The following SF3B1 variants were observed in gnomAD, a reference collection of about 807,000 sequenced individuals.
The protein encoded by SF3B1 is pre-mRNA processing 10.
A neutral mutation model predicts 153.8 loss-of-function variants in SF3B1; 12 were observed. That is an observed-to-expected ratio of 0.08 (90% CI 0.05 to 0.13). SF3B1 has a LOEUF of 0.13. SF3B1 is among the 10% of genes least tolerant of loss of function. The pLI is 1.00. For missense variants in SF3B1, 513 were observed against 1,606.1 expected, an observed-to-expected ratio of 0.32 and a Z score of 11.63; for synonymous variants, 498 against 525.2, an observed-to-expected ratio of 0.95 and a Z score of 0.71.
rs567389947 is a variant in SF3B1, at chr2:197,428,073, G to A, written c.29-4099C>T. Among the ~76,000 whole-genome samples, 331 of 151,990 alleles carry A rather than the reference G, an allele frequency of 2.2e-3. 1 individual carries two copies. The highest frequency in any genetic ancestry group is 3.8e-3 in the South Asian group (18 of 4,798). ...AAAGGTAATGAGGCTGGGCACTTTG[G>A]GATGCCCAGGCAGGCAGATCACTTG... is the stretch of plus-strand genomic sequence containing the variant. On this transcript the variant is annotated intron_variant, in intron 1 of 24. Coordinates refer to ENST00000335508, the MANE Select transcript of SF3B1 (RefSeq NM_012433.4).
rs1001034640 is a variant in SF3B1 at position 197,391,223 on chromosome 2, T to C, written c.*1080A>G. 2 of 152,248 alleles carry C rather than the reference T, an allele frequency of 1.3e-5. No homozygotes were observed. Among genetic ancestry groups the C allele is most frequent in the Non-Finnish European group, 2.9e-5 (2 of 68,044 alleles). 9.4% of individuals were successfully genotyped at this position (152,248 alleles called of 1,614,324 possible). A position where few individuals can be genotyped will look rare whatever the true frequency, so the allele number is the denominator to read the frequency against. ...AAATGGCATTTCATTCAGTTTATGC[T>C]GAACTCTTAGATCAACTTATTATTA... On this transcript the variant is annotated 3_prime_UTR_variant, in exon 25 of 25. Coordinates refer to ENST00000335508, the MANE Select transcript of SF3B1 (RefSeq NM_012433.4).
chr2:197,393,234 A>G lies in SF3B1; in HGVS notation c.3540-46T>C, dbSNP rs774966432. On this transcript the variant is annotated intron_variant, in intron 23 of 24. Transcript: ENST00000335508. Reference sequence around the variant, plus strand: ...GTCCTTTAAGATGCGGTCTTATAAGAAAGGGGGAAAAATCCTTAAAGATAC... The same window carrying G: ...GTCCTTTAAGATGCGGTCTTATAAGGAAGGGGGAAAAATCCTTAAAGATAC... The G allele has an allele frequency of 1.1e-5, 14 of 1,235,122 alleles. No homozygotes were observed. The Admixed American group carries it at 2.3e-4, about 21-fold the overall frequency. The allele number at this position is 1,235,122 out of a possible 1,614,324, so 76.5% of individuals were successfully genotyped here. A position where few individuals can be genotyped will look rare whatever the true frequency, so the allele number is the denominator to read the frequency against.
rs1391821623 is a variant in SF3B1, at chr2:197,400,380, C to T, written c.2773G>A (p.Val925Ile). The T allele has an allele frequency of 1.2e-6, 2 of 1,613,862 alleles. No homozygotes were observed. Among genetic ancestry groups the T allele is most frequent in the Non-Finnish European group, 1.7e-6 (2 of 1,179,952 alleles). The change falls in exon 19 of 25, where the codon GTC becomes ATC. Residue 925 changes from valine (V) to isoleucine (I), a missense_variant. Physicochemically the swap from Val to Ile is conservative, Grantham distance 29 (BLOSUM62 3). Transcript: ENST00000335508. The surrounding 1 kb of genome is among the most constrained non-coding windows in gnomAD (Gnocchi z 5.0). ...CAGATCTGAGGCAAGTATGGTTTGA[C>T]TCGTTTGCCAAGAGCATTAACCACT... ...GTVVNALGKR[V>I]KPYLPQICGT...
At position 197,405,179 on chromosome 2, in the gene SF3B1, TATA is replaced by T; in HGVS notation, c.1438-5_1438-3del. 6.2e-7 allele frequency: 1 copy of T among 1,606,912 alleles called. No homozygotes were observed. Among genetic ancestry groups the T allele is most frequent in the Non-Finnish European group, 8.5e-7 (1 of 1,175,454 alleles). On this transcript the variant is annotated splice_polypyrimidine_tract_variant and splice_region_variant and intron_variant, in intron 10 of 24. Coordinates refer to ENST00000335508, the MANE Select transcript of SF3B1 (RefSeq NM_012433.4). Reference sequence around the variant, plus strand: ...AAGTGTTGATTCATCAACATCAACCTATAGTAAAAAGAAAAAAATGTTAAGGGA... The same window carrying T: ...AAGTGTTGATTCATCAACATCAACCTGTAAAAAGAAAAAAATGTTAAGGGA...
At chr2:197,407,745 C>A (rs2085013501) in intron 9 of SF3B1, among the ~76,000 whole-genome samples, 1 of 152,068 alleles carries the variant, frequency 6.6e-6, no homozygotes. Context: ...AACTGAAGCA[C>A]CAGCAGTTCT....
Position 197,391,562 on chromosome 2 carries a change from A to G in SF3B1, c.*741T>C, listed in dbSNP as rs1243760307. On this transcript the variant is annotated 3_prime_UTR_variant, in exon 25 of 25. Coordinates refer to ENST00000335508, the MANE Select transcript of SF3B1 (RefSeq NM_012433.4). ...AATAGGCAGAAAGCAGTTTTGAAGT[A>G]AAGTTAAATTCCTCACTTGCTAAAC... 1 of 152,272 alleles carries G rather than the reference A, an allele frequency of 6.6e-6. No homozygotes were observed. The highest frequency in any genetic ancestry group is 2.4e-5 in the African/African-American group (1 of 41,476). 9.4% of individuals were successfully genotyped at this position (152,272 alleles called of 1,614,324 possible). A position where few individuals can be genotyped will look rare whatever the true frequency, so the allele number is the denominator to read the frequency against.
chr2:197,409,642 T>C, intron 7 of SF3B1, 128 bp downstream of exon 7: 2 of 776,678 alleles, frequency 2.6e-6, no homozygotes, highest in South Asian at 1.6e-5. Flanking sequence ...ACTGTTCTAT[T>C]CTTAATCTGT....
intron 5 of SF3B1, among the ~76,000 whole-genome samples, chr2:197,417,878 A>T (rs1385331812): frequency 1.3e-5 from 2 of 152,082 alleles, no homozygotes; most frequent in African/African-American, 4.8e-5. Context: ...CTCACACTGA[A>T]CTCTGACTTT....
chr2:197,415,977 G>A lies in SF3B1; in HGVS notation c.666+764C>T, dbSNP rs2085142341. 2.1e-5 allele frequency among the ~76,000 whole-genome samples: 3 copies of A among 140,600 alleles called. No individual in the cohort carries two copies. The South Asian group carries it at 7.3e-4, about 34-fold the overall frequency. The allele number at this position is 140,600 out of a possible 152,430, so 92.2% of individuals were successfully genotyped here. On this transcript the variant is annotated intron_variant, in intron 6 of 24. Coordinates refer to ENST00000335508, the MANE Select transcript of SF3B1 (RefSeq NM_012433.4). ...CTACAGGCATGCACCACTATGCCCA[G>A]CTAATTTTTTTTTTTTTTTTTGTAA...
intron 5 of SF3B1, among the ~76,000 whole-genome samples, chr2:197,417,415 A>C (rs1195274580): frequency 1.3e-5 from 2 of 152,030 alleles, no homozygotes; most frequent in African/African-American, 4.8e-5. Flanking sequence ...AACTCATTCA[A>C]CATATAAAAT....
At chr2:197,417,173 A>G (rs925994125) in intron 5 of SF3B1, among the ~76,000 whole-genome samples, 16 of 152,218 alleles carry the variant, frequency 1.1e-4, no homozygotes, top group Non-Finnish European at 8.8e-5. Flanking sequence ...AGGTGAAGTA[A>G]AATCTTCAGT....
At position 197,400,505 on chromosome 2, in the gene SF3B1, T is replaced by C; in HGVS notation, c.2719-71A>G. On this transcript the variant is annotated intron_variant, in intron 18 of 24. Transcript: ENST00000335508. This position sits in a 1 kb window ranked among gnomAD's most constrained non-coding sequence, Gnocchi z 5.0. ...CTGCACAGTTGAAATACACTAAGAGTCAACCTTTTCTAACCACCCAAACAT... is the reference window on the plus strand; with the variant it reads ...CTGCACAGTTGAAATACACTAAGAGCCAACCTTTTCTAACCACCCAAACAT... 2.3e-6 allele frequency: 3 copies of C among 1,329,934 alleles called. No individual in the cohort carries two copies. The highest frequency in any genetic ancestry group is 3.1e-6 in the Non-Finnish European group (3 of 967,918). The allele number at this position is 1,329,934 out of a possible 1,614,324, so 82.4% of individuals were successfully genotyped here.
chr2:197,412,530 T>C (rs2085085273), intron 6 of SF3B1, among the ~76,000 whole-genome samples: 1 of 151,508 alleles, frequency 6.6e-6, no homozygotes, highest in Admixed American at 6.6e-5. Context: ...TAATTTTTTG[T>C]ATTTTTAGTA....
chr2:197,393,853 T>C (rs1295205463), intron 23 of SF3B1, among the ~76,000 whole-genome samples: 2 of 152,190 alleles, frequency 1.3e-5, no homozygotes, highest in Non-Finnish European at 2.9e-5. Context: ...ATATGAATAA[T>C]AAACAGTAAT....
At chr2:197,420,302 C>G in intron 4 of SF3B1, 126 bp downstream of exon 4, 1 of 665,700 alleles carries the variant, frequency 1.5e-6, no homozygotes. Context: ...CTATACAAAT[C>G]TATAGTAAGG....
Position 197,408,593 on chromosome 2 carries a change from A to G in SF3B1, c.905-12T>C. On this transcript the variant is annotated splice_polypyrimidine_tract_variant and intron_variant, in intron 7 of 24. Transcript: ENST00000335508. ...ATGCCCAGGAGTATCTTTAAAAAGA[A>G]AGAGTGAGTAAAACCACAATTTTAA... 5 of 1,580,732 alleles carry G rather than the reference A, an allele frequency of 3.2e-6. No individual in the cohort carries two copies. Among genetic ancestry groups the G allele is most frequent in the Non-Finnish European group, 3.5e-6 (4 of 1,151,420 alleles).
At position 197,390,164 on chromosome 2, in the gene SF3B1, T is replaced by C. The variant is rs1440839477; in HGVS notation, c.*2139A>G. The C allele has an allele frequency of 6.6e-6, 1 of 152,162 alleles. No homozygotes were observed. Among genetic ancestry groups the C allele is most frequent in the Non-Finnish European group, 1.5e-5 (1 of 68,028 alleles). The allele number at this position is 152,162 out of a possible 1,614,324, so 9.4% of individuals were successfully genotyped here. A position where few individuals can be genotyped will look rare whatever the true frequency, so the allele number is the denominator to read the frequency against. On this transcript the variant is annotated 3_prime_UTR_variant, in exon 25 of 25. Coordinates refer to ENST00000335508, the MANE Select transcript of SF3B1 (RefSeq NM_012433.4). Reference sequence around the variant, plus strand: ...GTTTTAGGTCATAGCTTTCACTACTTCCCTCCTCTCTATCCTCAAATTATT... The same window carrying C: ...GTTTTAGGTCATAGCTTTCACTACTCCCCTCCTCTCTATCCTCAAATTATT...
chr2:197,403,165 T>A, intron 12 of SF3B1, 130 bp from the exon 13 acceptor site: 1 of 694,490 alleles, frequency 1.4e-6, no homozygotes, highest in Non-Finnish European at 2.4e-6. Context: ...ACGAACTGTT[T>A]AAGAATTTTA....
intron 7 of SF3B1, 196 bp from the exon 8 acceptor site, chr2:197,408,777 G>A (rs929280361): frequency 3.6e-6 from 2 of 554,412 alleles, no homozygotes; most frequent in African/African-American, 3.8e-5. Context: ...ACAAAAAGTA[G>A]CCAGGTGTGG....
Sources: allele counts gnomAD v4.1 joint callset (sites outside exome capture counted in the v4.1 genomes callset), GRCh38; gene constraint gnomAD v4.1.1; non-coding constraint Gnocchi (gnomAD v3.1); transcripts MANE v1.5; gene names NCBI Gene and HGNC (gene_info 2026-07-23, HGNC 2026-07-21).